MYOZ2: variants seen among roughly 807,000 people sequenced by gnomAD.
The protein encoded by MYOZ2 is myozenin-2.
A neutral mutation model predicts 25.4 loss-of-function variants in MYOZ2; 19 were observed. That is an observed-to-expected ratio of 0.75 (90% CI 0.52 to 1.10). The LOEUF (loss-of-function observed/expected upper bound fraction) is 1.10, where lower values mean the gene tolerates loss of function less well. MYOZ2 is among the 50% of genes least tolerant of loss of function. MYOZ2 has a pLI of 0.00. For missense variants in MYOZ2, 270 were observed against 317.9 expected (o/e 0.85, Z 1.15); for synonymous variants, 92 against 106.9 (o/e 0.86, Z 0.86).
intron 5 of MYOZ2, among the ~76,000 whole-genome samples, chr4:119,169,773 G>A (rs1741910885): frequency 6.6e-6 from 1 of 152,116 alleles, no homozygotes; most frequent in African/African-American, 2.4e-5. Context: ...AGCCCTAAAG[G>A]GCTATACCAT....
intron 5 of MYOZ2, among the ~76,000 whole-genome samples, chr4:119,171,760 T>C (rs1578742595): frequency 6.7e-6 from 1 of 149,444 alleles, no homozygotes; most frequent in Non-Finnish European, 1.5e-5. Context: ...TAACATAATA[T>C]TACACGAAGA....
At chr4:119,139,731 C>T (rs553649821) in intron 2 of MYOZ2, among the ~76,000 whole-genome samples, 1 of 152,188 alleles carries the variant, frequency 6.6e-6, no homozygotes, top group Middle Eastern at 3.4e-3. Flanking sequence ...ATGATGTTCC[C>T]TGACTTTAAG....
At chr4:119,142,560 C>T (rs7694500) in intron 2 of MYOZ2, among the ~76,000 whole-genome samples, 40,562 of 152,006 alleles carry the variant, frequency 0.27, 5,549 homozygotes, top group South Asian at 0.36. Context: ...GAAATTGTTG[C>T]AAAATACCCT....
At chr4:119,158,229 A>G (rs1355533168) in intron 4 of MYOZ2, 78 bp downstream of exon 4, 11 of 1,540,320 alleles carry the variant, frequency 7.1e-6, no homozygotes, top group Non-Finnish European at 9.9e-6. Context: ...TAAAGCCTTT[A>G]TTGAATAGTA....
intron 4 of MYOZ2, among the ~76,000 whole-genome samples, chr4:119,160,635 A>G (rs1461572247): frequency 1.3e-5 from 2 of 152,058 alleles, no homozygotes; most frequent in African/African-American, 2.4e-5. Flanking sequence ...TCAGAGAGAG[A>G]CTTTGTGGGG....
In MYOZ2 at chr4:119,136,627, T is replaced by A. The variant is rs763719136; in HGVS notation, c.76+26T>A. On this transcript the variant is annotated intron_variant, in intron 2 of 5. Transcript: ENST00000307128. ...GTATCAATAAAAATCCTTCGTAGCA[T>A]TAATATAGCACAGCATGAATGTGGC... The A allele has an allele frequency of 3.1e-6, 5 of 1,592,398 alleles. No individual in the cohort carries two copies. In the South Asian group the frequency reaches 5.5e-5, roughly 18 times the overall value.
rs563303617 is a variant in MYOZ2, at chr4:119,183,244, A to T, written c.561-2722A>T. On this transcript the variant is annotated intron_variant, in intron 5 of 5. Transcript: ENST00000307128. ...GACATACAAATGGATATAATGAAAG[A>T]TATAAAATAGGATCGCAGGGGAGGT... is the stretch of plus-strand genomic sequence containing the variant. 3.7e-4 allele frequency among the ~76,000 whole-genome samples: 57 copies of T among 152,248 alleles called. 1 individual carries two copies. The highest frequency in any genetic ancestry group is 1.3e-3 in the African/African-American group (54 of 41,546).
rs570909327 is a variant in MYOZ2, at chr4:119,183,544, A to T, written c.561-2422A>T. 2.6e-5 allele frequency among the ~76,000 whole-genome samples: 4 copies of T among 152,264 alleles called. No individual in the cohort carries two copies. The South Asian group carries it at 8.3e-4, about 32-fold the overall frequency. ...CTGCATGATTGACCTCTCCACTGGG[A>T]TGTCTAATCGTGTTTTCCACCCACA... On this transcript the variant is annotated intron_variant, in intron 5 of 5. Coordinates refer to ENST00000307128, the MANE Select transcript of MYOZ2 (RefSeq NM_016599.5).
chr4:119,147,620 T>G (rs1208370545), intron 2 of MYOZ2, among the ~76,000 whole-genome samples: 1 of 151,814 alleles, frequency 6.6e-6, no homozygotes. Context: ...GGCAGGCACT[T>G]GTAATCCCAG....
At chr4:119,180,718 T>C (rs1742171188) in intron 5 of MYOZ2, among the ~76,000 whole-genome samples, 1 of 152,120 alleles carries the variant, frequency 6.6e-6, no homozygotes, top group African/African-American at 2.4e-5. Context: ...CACACCCAGC[T>C]AATTTTTGTA....
intron 4 of MYOZ2, among the ~76,000 whole-genome samples, chr4:119,159,379 C>T (rs1328578412): frequency 6.6e-6 from 1 of 152,158 alleles, no homozygotes; most frequent in Non-Finnish European, 1.5e-5. Context: ...TCTGTTCCCT[C>T]AAAGGACTTT....
intron 5 of MYOZ2, among the ~76,000 whole-genome samples, chr4:119,174,509 A>C (rs1052453291): frequency 5.3e-5 from 8 of 152,012 alleles, no homozygotes; most frequent in Admixed American, 3.3e-4. Context: ...TGAGTGCACC[A>C]ATCCACACTC....
At chr4:119,151,806 A>C (rs1741457595) in intron 3 of MYOZ2, among the ~76,000 whole-genome samples, 4 of 152,114 alleles carry the variant, frequency 2.6e-5, no homozygotes, top group Admixed American at 2.6e-4. Context: ...TGACTTCAAC[A>C]AATATGTTTT....
intron 5 of MYOZ2, 108 bp from the exon 6 acceptor site, chr4:119,185,858 T>C: frequency 2.3e-6 from 2 of 876,982 alleles, no homozygotes; most frequent in South Asian, 1.5e-5. Flanking sequence ...CATAAAATAA[T>C]GAATTAAATA....
intron 5 of MYOZ2, among the ~76,000 whole-genome samples, chr4:119,168,912 T>A (rs1741890292): frequency 6.6e-6 from 1 of 152,232 alleles, no homozygotes; most frequent in African/African-American, 2.4e-5. Flanking sequence ...TAAGTTCTAC[T>A]GTGGGTAAAA....
At position 119,137,271 on chromosome 4, in the gene MYOZ2, A is replaced by G. The variant is rs190152846; in HGVS notation, c.76+670A>G. Among the ~76,000 whole-genome samples the G allele has an allele frequency of 6.6e-5, 10 of 152,256 alleles. No homozygotes were observed. In the East Asian group the frequency reaches 1.9e-3, roughly 29 times the overall value. On this transcript the variant is annotated intron_variant, in intron 2 of 5. Coordinates refer to ENST00000307128, the MANE Select transcript of MYOZ2 (RefSeq NM_016599.5). ...CACTCTCTCCTTTTCTTTAAATTCT[A>G]GCAACTAACTTGAGAAAGCAATGCT...
At chr4:119,162,496 C>T (rs1039645193) in intron 4 of MYOZ2, among the ~76,000 whole-genome samples, 5 of 152,108 alleles carry the variant, frequency 3.3e-5, no homozygotes. Flanking sequence ...GACACCTGGA[C>T]CTGACCCAGG....
intron 2 of MYOZ2, among the ~76,000 whole-genome samples, chr4:119,143,014 C>G (rs1299019122): frequency 6.6e-6 from 1 of 152,006 alleles, no homozygotes; most frequent in East Asian, 1.9e-4. Context: ...GTGCCAGCAT[C>G]AAGGGAGGGT....
chr4:119,162,265 G>C (rs768005280), intron 4 of MYOZ2, among the ~76,000 whole-genome samples: 4 of 152,158 alleles, frequency 2.6e-5, no homozygotes, highest in Non-Finnish European at 5.9e-5. Context: ...GGAGCAAAGA[G>C]TGTGAAAGGA....
Sources: allele counts gnomAD v4.1 joint callset (sites outside exome capture counted in the v4.1 genomes callset), GRCh38; gene constraint gnomAD v4.1.1; transcripts MANE v1.5; gene names NCBI Gene and HGNC (gene_info 2026-07-23, HGNC 2026-07-21).